ARHGAP42: variants seen among roughly 807,000 people sequenced by gnomAD.
ARHGAP42 encodes Rho GTPase activating protein 42.
In ARHGAP42, 63 loss-of-function variants were observed where a neutral mutation model predicts 125.0. That is an observed-to-expected ratio of 0.50 (90% CI 0.41 to 0.62). The LOEUF is 0.62. Ranked by LOEUF, ARHGAP42 falls within the 20% of genes least tolerant of loss-of-function variation. ARHGAP42 has a pLI of 0.00. For missense variants in ARHGAP42, 766 were observed against 1,024.2 expected (o/e 0.75, Z 3.44); for synonymous variants, 339 against 351.0 (o/e 0.97, Z 0.38).
chr11:100,779,552 A>ATACATATGTATATATATACG, intron 2 of ARHGAP42, among the ~76,000 whole-genome samples: 7 of 87,340 alleles, frequency 8.0e-5, no homozygotes, highest in African/African-American at 2.9e-4. Flanking sequence ...ATATATATAC[A>ATACATATGTATATATATACG]TATACATACG....
chr11:100,751,773 C>CTTTTTTTTTTT (rs757372755), intron 1 of ARHGAP42, among the ~76,000 whole-genome samples: 2 of 84,358 alleles, frequency 2.4e-5, no homozygotes, highest in Admixed American at 1.4e-4. Flanking sequence ...AGACAGGCAC[C>CTTTTTTTTTTT]TTTTTTTTTT....
intron 4 of ARHGAP42, among the ~76,000 whole-genome samples, chr11:100,863,423 C>A (rs965516847): frequency 6.6e-6 from 1 of 152,134 alleles, no homozygotes; most frequent in Non-Finnish European, 1.5e-5. Context: ...GTCAAAGTGG[C>A]CCTTGCCTAA....
chr11:100,697,044 C>G (rs994596651), intron 1 of ARHGAP42, among the ~76,000 whole-genome samples: 6 of 152,066 alleles, frequency 3.9e-5, no homozygotes, highest in Non-Finnish European at 7.4e-5. Flanking sequence ...CTGTATATAA[C>G]TTGCTAGATT....
chr11:100,963,504 G>A (rs369750447), intron 16 of ARHGAP42, among the ~76,000 whole-genome samples: 1 of 152,138 alleles, frequency 6.6e-6, no homozygotes, highest in African/African-American at 2.4e-5. Flanking sequence ...TAAATTAGTT[G>A]CTTTAGTTTA....
At chr11:100,903,016 G>A (rs1342265820) in intron 4 of ARHGAP42, among the ~76,000 whole-genome samples, 2 of 151,810 alleles carry the variant, frequency 1.3e-5, no homozygotes, top group African/African-American at 4.8e-5. Context: ...CAGCTGGCTG[G>A]CTCCTCACGC....
intron 1 of ARHGAP42, among the ~76,000 whole-genome samples, chr11:100,705,202 CAG>C (rs1861465235): frequency 6.6e-6 from 1 of 152,060 alleles, no homozygotes; most frequent in Non-Finnish European, 1.5e-5. Context: ...CTAAAAGAAA[CAG>C]AGGGGTGCTC....
chr11:100,985,382 T>A (rs1218473070), intron 22 of ARHGAP42, among the ~76,000 whole-genome samples: 1 of 152,178 alleles, frequency 6.6e-6, no homozygotes, highest in Non-Finnish European at 1.5e-5. Flanking sequence ...TCCTTTTTTT[T>A]AGGAAAATGG....
At chr11:100,856,641 G>T (rs17095695) in intron 3 of ARHGAP42, among the ~76,000 whole-genome samples, 3,881 of 152,072 alleles carry the variant, frequency 0.026, 107 homozygotes, top group African/African-American at 0.062. Context: ...AAAAATGTAG[G>T]GTTATCTACT....
Position 100,687,524 on chromosome 11 carries a change from G to C in ARHGAP42, c.-155G>C, listed in dbSNP as rs1329221113. 4.5e-6 allele frequency: 2 copies of C among 440,988 alleles called. No homozygotes were observed. The highest frequency in any genetic ancestry group is 6.5e-6 in the Non-Finnish European group (2 of 306,792). 27.3% of individuals were successfully genotyped at this position (440,988 alleles called of 1,614,324 possible). A position where few individuals can be genotyped will look rare whatever the true frequency, so the allele number is the denominator to read the frequency against. ...CTGAGCCCGGCGCAGGCGGCGCGGC[G>C]CTCGGGGCCCGTTTCCTCCGCGCAA... On this transcript the variant is annotated 5_prime_UTR_variant, in exon 1 of 24. Transcript: ENST00000298815.
intron 4 of ARHGAP42, 152 bp downstream of exon 4, chr11:100,859,777 G>T: frequency 5.7e-6 from 3 of 530,810 alleles, no homozygotes; most frequent in South Asian, 3.5e-5. Flanking sequence ...ACAAAGACTG[G>T]ACTTCTTTTA....
intron 3 of ARHGAP42, among the ~76,000 whole-genome samples, chr11:100,814,411 C>T (rs371860491): frequency 6.6e-6 from 1 of 151,650 alleles, no homozygotes; most frequent in Non-Finnish European, 1.5e-5. Context: ...ACAAAGGGCT[C>T]TCACTAACAG....
chr11:100,763,860 C>A (rs552700026), intron 1 of ARHGAP42, among the ~76,000 whole-genome samples: 20 of 152,280 alleles, frequency 1.3e-4, no homozygotes, highest in Admixed American at 1.2e-3. Context: ...ATTCCATGTT[C>A]AGCATAGCTA....
intron 1 of ARHGAP42, among the ~76,000 whole-genome samples, chr11:100,714,366 A>G (rs1187314090): frequency 6.7e-6 from 1 of 149,756 alleles, no homozygotes; most frequent in African/African-American, 2.5e-5. Context: ...TTTTAGGTTC[A>G]CTTACATGTA....
Position 100,991,218 on chromosome 11 carries a change from G to C in ARHGAP42, c.*2417G>C, listed in dbSNP as rs1419303254. ...AAGCAAGTCATGGCCATATACTGGA[G>C]ACGGGCTAAAGCTGCTTTTCCCTTA... On this transcript the variant is annotated 3_prime_UTR_variant, in exon 24 of 24. Transcript: ENST00000298815. The C allele has an allele frequency of 6.6e-6, 1 of 152,158 alleles. No homozygotes were observed. The highest frequency in any genetic ancestry group is 1.5e-5 in the Non-Finnish European group (1 of 68,028). 9.4% of individuals were successfully genotyped at this position (152,158 alleles called of 1,614,324 possible). A position where few individuals can be genotyped will look rare whatever the true frequency, so the allele number is the denominator to read the frequency against.
intron 4 of ARHGAP42, among the ~76,000 whole-genome samples, chr11:100,907,079 C>T (rs1336813416): frequency 1.3e-5 from 2 of 152,210 alleles, no homozygotes; most frequent in Non-Finnish European, 2.9e-5. Context: ...AAAAAGACTT[C>T]ACCCCTCTAC....
rs1858764672 is a variant in ARHGAP42 at position 100,989,112 on chromosome 11, C to T, written c.*311C>T. On this transcript the variant is annotated 3_prime_UTR_variant, in exon 24 of 24. Coordinates refer to ENST00000298815, the MANE Select transcript of ARHGAP42 (RefSeq NM_152432.4). ...AGAGTTTCAAATACTGTGTTAAATA[C>T]TGTATCCCAGAAATTTGGAAACCAG... 2 of 405,388 alleles carry T rather than the reference C, an allele frequency of 4.9e-6. No individual in the cohort carries two copies. Among genetic ancestry groups the T allele is most frequent in the Non-Finnish European group, 8.7e-6 (2 of 229,662 alleles). The allele number at this position is 405,388 out of a possible 1,614,324, so 25.1% of individuals were successfully genotyped here.
At chr11:100,960,581 A>G (rs1857928534) in intron 13 of ARHGAP42, among the ~76,000 whole-genome samples, 1 of 152,192 alleles carries the variant, frequency 6.6e-6, no homozygotes, top group South Asian at 2.1e-4. Context: ...ACTTTTCAAC[A>G]TGCAGGAGGA....
chr11:100,909,341 G>GTTTTTTTTTTT (rs71053157), intron 4 of ARHGAP42, among the ~76,000 whole-genome samples: 11 of 137,432 alleles, frequency 8.0e-5, no homozygotes, highest in Non-Finnish European at 7.7e-5. Context: ...GACTTTTCTT[G>GTTTTTTTTTTT]TTTTTTTTTT....
intron 3 of ARHGAP42, among the ~76,000 whole-genome samples, chr11:100,833,307 A>G (rs546126183): frequency 6.6e-6 from 1 of 152,338 alleles, no homozygotes; most frequent in Non-Finnish European, 1.5e-5. Context: ...TATCTTTTAA[A>G]TGTGCTATCC....
Sources: allele counts gnomAD v4.1 joint callset (sites outside exome capture counted in the v4.1 genomes callset), GRCh38; gene constraint gnomAD v4.1.1; transcripts MANE v1.5; gene names NCBI Gene and HGNC (gene_info 2026-07-23, HGNC 2026-07-21).